SBNO1: variants seen among roughly 807,000 people sequenced by gnomAD.
The protein encoded by SBNO1 is strawberry notch homolog 1.
In SBNO1, 23 loss-of-function variants were observed where a neutral mutation model predicts 173.6. That is an observed-to-expected ratio of 0.13 (90% CI 0.10 to 0.19). SBNO1 has a LOEUF of 0.19. Among genes scored for constraint, SBNO1 ranks in the 10% least tolerant of loss-of-function variants. SBNO1 has a pLI of 1.00. For missense variants in SBNO1, 1,238 were observed against 1,671.2 expected (o/e 0.74, Z 4.52); for synonymous variants, 632 against 571.5 (o/e 1.11, Z -1.51).
rs958713626 is a variant in SBNO1 at position 123,303,026 on chromosome 12, C to T, written c.3769-126G>A. The T allele has an allele frequency of 1.2e-5, 8 of 683,688 alleles. No homozygotes were observed. The South Asian group carries it at 1.5e-4, about 13-fold the overall frequency. 42.4% of individuals were successfully genotyped at this position (683,688 alleles called of 1,614,324 possible). ...CTCTACACAAAAAGCCTAACCCTTG[C>T]TATTAACTGAATCTGAACGCCATTT... On this transcript the variant is annotated intron_variant, in intron 29 of 31. Transcript: ENST00000602398.
At chr12:123,337,059 TGA>T (rs1871938200) in intron 5 of SBNO1, among the ~76,000 whole-genome samples, 2 of 152,208 alleles carry the variant, frequency 1.3e-5, no homozygotes, top group African/African-American at 4.8e-5. Flanking sequence ...GAGGCCCTTA[TGA>T]AGAACAGAAA....
Position 123,340,098 on chromosome 12 carries a change from G to A in SBNO1, c.651+890C>T, listed in dbSNP as rs560696451. On this transcript the variant is annotated intron_variant, in intron 5 of 31. Transcript: ENST00000602398. ...GTGAGTAGCACATTGCATACCATTT[G>A]ATGTACTTTTCATTATTACTACTTA... Among the ~76,000 whole-genome samples, 13 of 152,188 alleles carry A rather than the reference G, an allele frequency of 8.5e-5. 1 individual carries two copies. In the South Asian group the frequency reaches 2.7e-3, roughly 32 times the overall value.
Position 123,295,784 on chromosome 12 carries a change from A to T in SBNO1, c.*124T>A, listed in dbSNP as rs2048582814. On this transcript the variant is annotated 3_prime_UTR_variant, in exon 32 of 32. Transcript: ENST00000602398. ...TTCCAGGTTTGTCCTTACTCCCAAA[A>T]AAACTAACTAGAGAGCACAACTGAA... is the stretch of plus-strand genomic sequence containing the variant. The T allele has an allele frequency of 7.4e-7, 1 of 1,358,168 alleles. No homozygotes were observed. The highest frequency in any genetic ancestry group is 2.2e-5 in the Admixed American group (1 of 45,142). The allele number at this position is 1,358,168 out of a possible 1,614,324, so 84.1% of individuals were successfully genotyped here.
chr12:123,341,322 A>C (rs796921985), intron 4 of SBNO1, among the ~76,000 whole-genome samples: 3 of 151,938 alleles, frequency 2.0e-5, no homozygotes, highest in African/African-American at 7.2e-5. Context: ...GGTGGCGGGC[A>C]CCTGTAATCC....
In SBNO1 at chr12:123,320,602, T is replaced by A. The variant is rs374956545; in HGVS notation, c.2497A>T (p.Ser833Cys). ...AGGCTACTGTTACTGTTGGTGTTAC[T>A]GTTAGCTAGATAAAGAACATTTGCT... The part of the protein sequence containing the change: ...SPAPNSTPAN[S>C]NTNSNSSLIT... The change falls in exon 19 of 32, where the codon AGT (serine) becomes TGT (cysteine). Residue 833 changes from serine (S) to cysteine (C), a missense_variant. Ser to Cys is a moderately radical substitution (Grantham distance 112). This residue lies in a region of SBNO1 where 74 missense variants were observed against 68.5 expected (regional missense o/e 1.08). Transcript: ENST00000602398. 7.5e-6 allele frequency: 12 copies of A among 1,610,174 alleles called. No homozygotes were observed. The highest frequency in any genetic ancestry group is 8.5e-6 in the Non-Finnish European group (10 of 1,178,856).
intron 2 of SBNO1, among the ~76,000 whole-genome samples, chr12:123,349,433 A>G (rs946723406): frequency 6.6e-6 from 1 of 152,180 alleles, no homozygotes. Context: ...CAGAGAATGT[A>G]TATAATGAAA....
chr12:123,336,776 G>A (rs1871897654), intron 5 of SBNO1, among the ~76,000 whole-genome samples: 1 of 152,028 alleles, frequency 6.6e-6, no homozygotes, highest in Non-Finnish European at 1.5e-5. Flanking sequence ...CTTCAATACT[G>A]CCTATCACCC....
rs1257878267 is a variant in SBNO1 at position 123,330,432 on chromosome 12, T to C, written c.1121A>G (p.His374Arg). 1.3e-6 allele frequency: 2 copies of C among 1,579,888 alleles called. No individual in the cohort carries two copies. Among genetic ancestry groups the C allele is most frequent in the African/African-American group, 2.7e-5 (2 of 74,116 alleles). Residue 374 changes from histidine to arginine, a missense_variant, in exon 9 of 32, where the codon CAT (histidine) becomes CGT (arginine). This residue lies in a region of SBNO1 where 56 missense variants were observed against 65.1 expected (regional missense o/e 0.86). Coordinates refer to ENST00000602398, the MANE Select transcript of SBNO1 (RefSeq NM_001167856.3). ...AAGATTTCATACCTTATTTAACGAA[T>C]GAACCAAAATGTTTTTTGCTCCAAT... ...RDIGAKNILV[H>R]SLNKFKYGKI...
chr12:123,344,569 G>A (rs34997336), intron 4 of SBNO1, among the ~76,000 whole-genome samples: 41,149 of 152,038 alleles, frequency 0.27, 6,774 homozygotes, highest in African/African-American at 0.45. Flanking sequence ...CAAGCAGGCC[G>A]GGCATGGTAC....
At chr12:123,321,462 A>G in intron 17 of SBNO1, 73 bp downstream of exon 17, 1 of 1,084,726 alleles carries the variant, frequency 9.2e-7, no homozygotes, top group Non-Finnish European at 1.4e-6. Context: ...ACAGAAGAAA[A>G]GGTTTCATAT....
At chr12:123,312,081 CTTT>C (rs71765792) in intron 24 of SBNO1, among the ~76,000 whole-genome samples, 1 of 144,392 alleles carries the variant, frequency 6.9e-6, no homozygotes, top group Non-Finnish European at 1.5e-5. Context: ...ATCAAGGAAT[CTTT>C]TTTTTTTTTT....
At chr12:123,356,691 G>T (rs563786435) in intron 1 of SBNO1, among the ~76,000 whole-genome samples, 9 of 152,288 alleles carry the variant, frequency 5.9e-5, no homozygotes, top group Middle Eastern at 3.4e-3. Flanking sequence ...TGATCCATCC[G>T]CCTCGGCCTC....
intron 30 of SBNO1, among the ~76,000 whole-genome samples, chr12:123,299,433 G>A (rs1442458968): frequency 6.6e-6 from 1 of 152,020 alleles, no homozygotes; most frequent in East Asian, 1.9e-4. Context: ...TGTAATCTCA[G>A]CACTTTGGGA....
rs2048550382 is a variant in SBNO1 at position 123,294,131 on chromosome 12, A to G, written c.*1777T>C. On this transcript the variant is annotated 3_prime_UTR_variant, in exon 32 of 32. Transcript: ENST00000602398. ...GGATAGAAGTTGCATCCGCTGGGCA[A>G]AATGTGCCAAAGAACAGAAAGTACT... 6.6e-6 allele frequency: 1 copy of G among 152,362 alleles called. No individual in the cohort carries two copies. The highest frequency in any genetic ancestry group is 2.4e-5 in the African/African-American group (1 of 41,596). 9.4% of individuals were successfully genotyped at this position (152,362 alleles called of 1,614,324 possible). A position where few individuals can be genotyped will look rare whatever the true frequency, so the allele number is the denominator to read the frequency against.
In SBNO1 at chr12:123,319,912, C is replaced by T. The variant is rs755156104; in HGVS notation, c.2787G>A (p.Met929Ile). 1 of 1,613,766 alleles carries T rather than the reference C, an allele frequency of 6.2e-7. No homozygotes were observed. Among genetic ancestry groups the T allele is most frequent in the Non-Finnish European group, 8.5e-7 (1 of 1,179,784 alleles). Residue 929 changes from methionine to isoleucine, a missense_variant, in exon 20 of 32, where the codon ATG (methionine) becomes ATA (isoleucine). By Grantham distance (10) the Met-to-Ile change is conservative. Coordinates refer to ENST00000602398, the MANE Select transcript of SBNO1 (RefSeq NM_001167856.3). ...ILNITEKQRF[M>I]DGDKNIAIIS... ...CAGTAAAACATACCTTATCTCCATC[C>T]ATAAATCGTTGTTTTTCTGTGATGT...
In SBNO1 at chr12:123,317,159, G is replaced by A. The variant is rs539674108; in HGVS notation, c.2935+62C>T. 151 of 1,579,326 alleles carry A rather than the reference G, an allele frequency of 9.6e-5. No homozygotes were observed. The African/African-American group carries it at 1.5e-3, about 16-fold the overall frequency. On this transcript the variant is annotated intron_variant, in intron 21 of 31. Transcript: ENST00000602398. ...GGCCTAAACCTAGGTTTTGGTATGC[G>A]CAAATTTACCCCAATGATTCCTAGC... is the stretch of plus-strand genomic sequence containing the variant.
rs746320731 is a variant in SBNO1 at position 123,336,474 on chromosome 12, T to C, written c.669A>G (p.Lys223=). The part of the protein sequence containing the change: ...FSPTMKVPVV[K]EDDEPEEEDE... ...CTTCTTCCTCTGGTTCATCATCTTC[T>C]TTTACAACAGGAACCTTCTGCAACA... The change falls in exon 6 of 32, where the codon AAA becomes AAG. Residue 223 remains lysine, a synonymous_variant. Transcript: ENST00000602398. 2 of 1,611,908 alleles carry C rather than the reference T, an allele frequency of 1.2e-6. No individual in the cohort carries two copies. Among genetic ancestry groups the C allele is most frequent in the Admixed American group, 3.4e-5 (2 of 59,678 alleles).
intron 1 of SBNO1, 110 bp from the exon 2 acceptor site, chr12:123,350,551 A>AC: frequency 5.9e-6 from 5 of 847,224 alleles, no homozygotes; most frequent in Non-Finnish European, 9.6e-6. Flanking sequence ...TTCATTCAGT[A>AC]TTAATGAAGA....
chr12:123,361,811 A>G (rs1875236700), intron 1 of SBNO1, among the ~76,000 whole-genome samples: 1 of 151,948 alleles, frequency 6.6e-6, no homozygotes, highest in Admixed American at 6.6e-5. Flanking sequence ...CCACTAACTC[A>G]GTGTCTCCCC....
Sources: allele counts gnomAD v4.1 joint callset (sites outside exome capture counted in the v4.1 genomes callset), GRCh38; gene constraint gnomAD v4.1.1; regional missense constraint gnomAD v4.1.1; transcripts MANE v1.5; gene names NCBI Gene and HGNC (gene_info 2026-07-23, HGNC 2026-07-21).